Variants in ACCSL observed in about 807,000 individuals in gnomAD.
ACCSL encodes the protein 1-aminocyclopropane-1-carboxylate synthase homolog (inactive) like.
ACCSL carries 55 observed loss-of-function variants against 61.7 expected under a neutral mutation model. The ratio of observed to expected loss-of-function variants is 0.89; its 90% CI spans 0.72 to 1.12. The LOEUF is 1.12. Among genes scored for constraint, ACCSL ranks in the 50% most tolerant of loss-of-function variants. ACCSL has a pLI of 0.00. For synonymous variants in ACCSL, 258 were observed against 264.3 expected, an observed-to-expected ratio of 0.98 and a Z score of 0.23; for missense variants, 632 against 698.0, an observed-to-expected ratio of 0.91 and a Z score of 1.07.
intron 7 of ACCSL, 130 bp downstream of exon 7, chr11:44,053,198 T>C: frequency 1.1e-6 from 1 of 885,876 alleles, no homozygotes; most frequent in Non-Finnish European, 1.8e-6. Flanking sequence ...CAGTAAATGA[T>C]CCAGGGGTGT....
the ACCSL span, among the ~76,000 whole-genome samples, chr11:43,921,402 T>G: frequency 6.6e-6 from 1 of 152,194 alleles, no homozygotes; most frequent in Non-Finnish European, 1.5e-5. Context: ...CACGGCTTGT[T>G]TCTCTAAGAA....
At chr11:43,979,161 G>A in the ACCSL span, among the ~76,000 whole-genome samples, 1 of 151,960 alleles carries the variant, frequency 6.6e-6, no homozygotes, top group South Asian at 2.1e-4. Context: ...GGGTAACATA[G>A]CAAGACAAAT....
the ACCSL span, among the ~76,000 whole-genome samples, chr11:43,973,340 A>G: frequency 8.5e-5 from 13 of 152,174 alleles, no homozygotes; most frequent in Admixed American, 8.5e-4. Flanking sequence ...TGAGTGTTCT[A>G]TTTATGGATT....
intron 8 of ACCSL, 52 bp from the exon 9 acceptor site, chr11:44,055,150 A>C (rs778767368): frequency 7.8e-5 from 103 of 1,312,196 alleles, no homozygotes; most frequent in Non-Finnish European, 1.0e-4. Flanking sequence ...TGCAAAGAAA[A>C]AAGATTAGAG....
the ACCSL span, among the ~76,000 whole-genome samples, chr11:43,960,542 G>A: frequency 6.6e-6 from 1 of 151,812 alleles, no homozygotes; most frequent in South Asian, 2.1e-4. Flanking sequence ...GCACTACCAT[G>A]CCTGGCTAAT....
At chr11:43,956,711 A>G in the ACCSL span, among the ~76,000 whole-genome samples, 2 of 152,108 alleles carry the variant, frequency 1.3e-5, no homozygotes, top group East Asian at 1.9e-4. Flanking sequence ...GAGCCACTGC[A>G]CCCAGCCTAC....
At chr11:44,011,875 A>T in the ACCSL span, among the ~76,000 whole-genome samples, 2 of 152,152 alleles carry the variant, frequency 1.3e-5, no homozygotes, top group Non-Finnish European at 2.9e-5. Flanking sequence ...ATTCTGTTCA[A>T]TTACCTATCA....
chr11:43,943,371 G>T, the ACCSL span: 2 of 1,388,108 alleles, frequency 1.4e-6, no homozygotes, highest in South Asian at 1.7e-5. This position sits in a 1 kb window ranked among gnomAD's most constrained non-coding sequence, Gnocchi z 4.8. Context: ...CGGGGGACCC[G>T]CAAGGACCCG....
chr11:43,985,835 G>A, the ACCSL span, among the ~76,000 whole-genome samples: 2 of 152,090 alleles, frequency 1.3e-5, no homozygotes, highest in Non-Finnish European at 2.9e-5. Flanking sequence ...TCAAGAGTTC[G>A]AGACCAGCCT....
the ACCSL span, among the ~76,000 whole-genome samples, chr11:44,004,328 G>A: frequency 0.2 from 30,032 of 151,862 alleles, 3,148 homozygotes; most frequent in East Asian, 0.34. Context: ...AGTTCTTGGT[G>A]TTTGCTCACC....
chr11:44,043,902 T>C (rs1389414932), upstream of ACCSL, among the ~76,000 whole-genome samples: 1 of 152,202 alleles, frequency 6.6e-6, no homozygotes, highest in East Asian at 1.9e-4. Context: ...AAACTTGGAT[T>C]TTATCTCCTT....
the ACCSL span, among the ~76,000 whole-genome samples, chr11:43,976,073 C>T: frequency 2.9e-4 from 44 of 152,146 alleles, no homozygotes; most frequent in Non-Finnish European, 1.2e-4. Context: ...TGTAGTTTAT[C>T]AGTCTACAGA....
At chr11:44,033,337 C>T in the ACCSL span, among the ~76,000 whole-genome samples, 9 of 152,108 alleles carry the variant, frequency 5.9e-5, no homozygotes, top group African/African-American at 1.4e-4. Flanking sequence ...GGGCTCTTGA[C>T]AAAAACTCCG....
the ACCSL span, among the ~76,000 whole-genome samples, chr11:44,040,504 G>C: frequency 6.6e-6 from 1 of 152,124 alleles, no homozygotes; most frequent in African/African-American, 2.4e-5. Context: ...ATGGGAAAAG[G>C]TGGATCTTAT....
At chr11:43,983,532 A>G in the ACCSL span, among the ~76,000 whole-genome samples, 1 of 152,192 alleles carries the variant, frequency 6.6e-6, no homozygotes, top group East Asian at 1.9e-4. Flanking sequence ...TGGGAACCAG[A>G]GAATGATTGC....
At chr11:43,924,800 A>C in the ACCSL span, among the ~76,000 whole-genome samples, 51 of 152,204 alleles carry the variant, frequency 3.4e-4, no homozygotes, top group Non-Finnish European at 7.1e-4. Flanking sequence ...GGGTGAACCC[A>C]CCAAAGGCGG....
At chr11:44,042,849 G>T in the ACCSL span, among the ~76,000 whole-genome samples, 1 of 152,156 alleles carries the variant, frequency 6.6e-6, no homozygotes, top group African/African-American at 2.4e-5. Context: ...GGGAGGCTGA[G>T]GTGGGCAAAT....
chr11:44,039,075 T>G, the ACCSL span, among the ~76,000 whole-genome samples: 1 of 152,054 alleles, frequency 6.6e-6, no homozygotes, highest in Non-Finnish European at 1.5e-5. Context: ...ATCTAATAGG[T>G]GCCCGGTGGA....
chr11:44,002,128 T>C, the ACCSL span, among the ~76,000 whole-genome samples: 1 of 152,120 alleles, frequency 6.6e-6, no homozygotes, highest in South Asian at 2.1e-4. Context: ...TGCTCCTTTG[T>C]CCCTGCTCCT....
Sources: allele counts gnomAD v4.1 joint callset (sites outside exome capture counted in the v4.1 genomes callset), GRCh38; gene constraint gnomAD v4.1.1; non-coding constraint Gnocchi (gnomAD v3.1); transcripts MANE v1.5; gene names NCBI Gene and HGNC (gene_info 2026-07-23, HGNC 2026-07-21).